Variants in TRPC5 observed in about 807,000 individuals in gnomAD.
TRPC5 encodes the protein transient receptor potential cation channel subfamily C member 5, also known as short transient receptor potential channel 5.
In TRPC5, 9 loss-of-function variants were observed where a neutral mutation model predicts 56.5. That is an observed-to-expected ratio of 0.16 (90% CI 0.10 to 0.28). TRPC5 has a LOEUF of 0.28. TRPC5 is among the 10% of genes least tolerant of loss of function. The pLI is 1.00. For synonymous variants in TRPC5, 282 were observed against 278.5 expected (o/e 1.01, Z -0.13); for missense variants, 469 against 748.9 (o/e 0.63, Z 4.36).
In TRPC5 at chrX:111,776,902, G is replaced by A; in HGVS notation, c.2333C>T (p.Ser778Phe). ...RSFSTSSTEL[S>F]QRDDNNDGSG... ...GCCATCATTATTATCGTCTCTCTGA[G>A]ACAGTTCAGTGCTGCTAGTGGAAAA... The change falls in exon 11 of 11, where the codon TCT (serine) becomes TTT (phenylalanine). Residue 778 changes from serine (S) to phenylalanine (F), a missense_variant. By Grantham distance (155) the Ser-to-Phe change is radical. Coordinates refer to ENST00000262839, the MANE Select transcript of TRPC5 (RefSeq NM_012471.3). The A allele has an allele frequency of 8.3e-7, 1 of 1,209,338 alleles. No homozygotes were observed. Among genetic ancestry groups the A allele is most frequent in the Non-Finnish European group, 1.1e-6 (1 of 894,101 alleles).
At chrX:111,951,295 C>T (rs901273090) in intron 2 of TRPC5, among the ~76,000 whole-genome samples, 4 of 111,614 alleles carry the variant, frequency 3.6e-5, no homozygotes, top group African/African-American at 1.3e-4. Flanking sequence ...GTCAAGGGAC[C>T]GCACTTTAGG....
In TRPC5 at chrX:112,081,957, GC is replaced by G; in HGVS notation, c.-101del. 1 of 111,720 alleles carries G rather than the reference GC, an allele frequency of 9.0e-6. No homozygotes were observed. The highest frequency in any genetic ancestry group is 3.3e-5 in the African/African-American group (1 of 30,677). The allele number at this position is 111,720 out of a possible 1,213,427, so 9.2% of individuals were successfully genotyped here. On this transcript the variant is annotated 5_prime_UTR_variant, in exon 1 of 11. Coordinates refer to ENST00000262839, the MANE Select transcript of TRPC5 (RefSeq NM_012471.3). ...GCCAGGATGCGTGGTGCGGCGCCTT[GC>G]CGGACTCCTCTTTTGCGGCGCGAAA...
At chrX:111,779,561 C>T (rs1229731865) in intron 9 of TRPC5, among the ~76,000 whole-genome samples, 1 of 111,810 alleles carries the variant, frequency 8.9e-6, no homozygotes, top group Non-Finnish European at 1.9e-5. Context: ...TCACTAAGCC[C>T]CCAGGGGAAT....
intron 1 of TRPC5, among the ~76,000 whole-genome samples, chrX:112,045,797 C>G (rs7880303): frequency 0.13 from 13,944 of 110,941 alleles, 738 homozygotes; most frequent in African/African-American, 0.17. Flanking sequence ...TTTTGTGAAC[C>G]GTTGAGTGGT....
intron 2 of TRPC5, among the ~76,000 whole-genome samples, chrX:111,935,618 C>T (rs1384721815): frequency 9.0e-6 from 1 of 111,557 alleles, no homozygotes; most frequent in Non-Finnish European, 1.9e-5. Context: ...AGATGTAAGC[C>T]TTTATTTCAT....
chrX:112,035,182 G>A (rs1333721762), intron 1 of TRPC5, among the ~76,000 whole-genome samples: 1 of 108,327 alleles, frequency 9.2e-6, no homozygotes, highest in Non-Finnish European at 1.9e-5. Flanking sequence ...TCCCATGAAT[G>A]GGTCATACTT....
At chrX:111,966,928 G>A (rs1184994353) in intron 1 of TRPC5, among the ~76,000 whole-genome samples, 3 of 97,891 alleles carry the variant, frequency 3.1e-5, no homozygotes, top group African/African-American at 1.4e-4. Flanking sequence ...ACAAGACAGG[G>A]ATGCCTCTCT....
chrX:111,809,882 GTT>G (rs768396316), intron 7 of TRPC5, among the ~76,000 whole-genome samples: 69 of 99,146 alleles, frequency 7.0e-4, no homozygotes, highest in African/African-American at 2.5e-3. Flanking sequence ...TCTTCATTTT[GTT>G]TTTTTTTTTG....
chrX:111,838,122 CATAA>C (rs751747035), intron 6 of TRPC5, among the ~76,000 whole-genome samples: 21 of 110,191 alleles, frequency 1.9e-4, no homozygotes, highest in South Asian at 3.9e-4. Context: ...AGAATGCATG[CATAA>C]ATAAATAAAT....
At chrX:111,900,516 CAT>C (rs755385030) in intron 3 of TRPC5, among the ~76,000 whole-genome samples, 91 of 111,780 alleles carry the variant, frequency 8.1e-4, no homozygotes, top group African/African-American at 2.7e-3. Flanking sequence ...CTTATAAAGA[CAT>C]GTGTCAGCTC....
intron 3 of TRPC5, among the ~76,000 whole-genome samples, chrX:111,909,504 A>G (rs1184087324): frequency 9.0e-6 from 1 of 110,834 alleles, no homozygotes; most frequent in Non-Finnish European, 1.9e-5. Flanking sequence ...ATGTGAATGT[A>G]CTTAATTCCA....
chrX:112,040,042 A>C (rs1298013225), intron 1 of TRPC5, among the ~76,000 whole-genome samples: 2 of 112,119 alleles, frequency 1.8e-5, no homozygotes, highest in Non-Finnish European at 3.8e-5. Flanking sequence ...GCCATTAATT[A>C]AGGAGGCTCT....
chrX:111,978,731 A>T (rs1330349939), intron 1 of TRPC5, among the ~76,000 whole-genome samples: 1 of 111,027 alleles, frequency 9.0e-6, no homozygotes, highest in East Asian at 2.8e-4. Flanking sequence ...ATGAGGCTGG[A>T]TCTTAAATTA....
chrX:111,847,794 C>A (rs192433371), intron 5 of TRPC5, among the ~76,000 whole-genome samples: 1 of 111,690 alleles, frequency 9.0e-6, no homozygotes, highest in East Asian at 2.8e-4. Context: ...CACTAGTATG[C>A]CCAAGATAGT....
rs184233545 is a variant in TRPC5, at chrX:111,860,069, C to T, written c.901-5963G>A. On this transcript the variant is annotated intron_variant, in intron 3 of 10. Coordinates refer to ENST00000262839, the MANE Select transcript of TRPC5 (RefSeq NM_012471.3). ...GGCTACAGGCGCCCGCCACCACGAC[C>T]GGCTAATTTTTTTGTATTTTAGTAG... 7.4e-3 allele frequency among the ~76,000 whole-genome samples: 825 copies of T among 112,146 alleles called. 4 individuals are homozygous for T. Among genetic ancestry groups the T allele is most frequent in the African/African-American group, 0.025 (784 of 30,860 alleles).
At chrX:111,971,307 G>T (rs979858393) in intron 1 of TRPC5, among the ~76,000 whole-genome samples, 5 of 111,619 alleles carry the variant, frequency 4.5e-5, no homozygotes, top group African/African-American at 1.6e-4. Flanking sequence ...CAGGCAAACA[G>T]GATGATTCAG....
intron 1 of TRPC5, among the ~76,000 whole-genome samples, chrX:111,965,511 C>G (rs1927536004): frequency 8.9e-6 from 1 of 111,918 alleles, no homozygotes; most frequent in East Asian, 2.8e-4. Flanking sequence ...CCCAAATCAA[C>G]AGAATATACA....
chrX:111,942,870 G>A (rs1426522705), intron 2 of TRPC5, among the ~76,000 whole-genome samples: 1 of 111,870 alleles, frequency 8.9e-6, no homozygotes, highest in Non-Finnish European at 1.9e-5. Flanking sequence ...CTTAAACAAG[G>A]TAAATGACCT....
chrX:112,005,838 GAT>G (rs1244658395), intron 1 of TRPC5, among the ~76,000 whole-genome samples: 1 of 111,855 alleles, frequency 8.9e-6, no homozygotes, highest in Non-Finnish European at 1.9e-5. Context: ...AAATTGACCT[GAT>G]ATGATAGAGG....
Sources: allele counts gnomAD v4.1 joint callset (sites outside exome capture counted in the v4.1 genomes callset), GRCh38; gene constraint gnomAD v4.1.1; transcripts MANE v1.5; gene names NCBI Gene and HGNC (gene_info 2026-07-23, HGNC 2026-07-21).